Variants in RP1 observed in about 807,000 individuals in gnomAD.
RP1 encodes oxygen-regulated protein 1.
Under a neutral mutation model 14.8 loss-of-function variants are expected in RP1, and 16 were observed. The ratio of observed to expected loss-of-function variants is 1.08; its 90% CI spans 0.73 to 1.65. RP1 has a LOEUF of 1.65. RP1 is among the 40% of genes most tolerant of loss of function. RP1 has a pLI of 0.00. For synonymous variants in RP1, 876 were observed against 883.6 expected (o/e 0.99, Z 0.15); for missense variants, 2,631 against 2,535.0 (o/e 1.04, Z -0.81).
At chr8:54,768,671 G>A (rs1402619520) in intron 22 of RP1, among the ~76,000 whole-genome samples, 1 of 152,132 alleles carries the variant, frequency 6.6e-6, no homozygotes, top group Non-Finnish European at 1.5e-5. Flanking sequence ...CTGCTATGAG[G>A]CAGGTAATTT....
At chr8:54,792,420 G>T (rs1810486700) in intron 24 of RP1, among the ~76,000 whole-genome samples, 1 of 151,728 alleles carries the variant, frequency 6.6e-6, no homozygotes. Context: ...CTATTCTCAA[G>T]GGCACGTAAA....
chr8:54,819,698 G>A (rs1289534785), intron 24 of RP1, among the ~76,000 whole-genome samples: 1 of 152,136 alleles, frequency 6.6e-6, no homozygotes, highest in East Asian at 1.9e-4. Flanking sequence ...GGCACCATAA[G>A]CCCAGCAATG....
chr8:54,629,388 G>T lies in RP1; in HGVS notation c.5506G>T (p.Asp1836Tyr). ...DSEPFHEDLL[D>Y]VRNETCAKER... Reference sequence around the variant, plus strand: ...AGAACCTTTTCATGAGGACTTGCTGGATGTTCGCAATGAAACCTGTGCCAA... The same window carrying T: ...AGAACCTTTTCATGAGGACTTGCTGTATGTTCGCAATGAAACCTGTGCCAA... The change falls in exon 4 of 4, where the codon GAT (aspartate) becomes TAT (tyrosine). Residue 1836 changes from aspartate (D) to tyrosine (Y), a missense_variant. By Grantham distance (160) the Asp-to-Tyr change is radical (BLOSUM62 -3). Transcript: ENST00000220676. 1 of 1,614,102 alleles carries T rather than the reference G, an allele frequency of 6.2e-7. No homozygotes were observed. Among genetic ancestry groups the T allele is most frequent in the Non-Finnish European group, 8.5e-7 (1 of 1,179,986 alleles).
At chr8:54,816,762 C>T (rs1176530702) in intron 24 of RP1, among the ~76,000 whole-genome samples, 1 of 152,212 alleles carries the variant, frequency 6.6e-6, no homozygotes, top group East Asian at 1.9e-4. Context: ...TTTAAATCCT[C>T]ACATGGCTTC....
In RP1 at chr8:54,563,853, A is replaced by G. The variant is rs994152975; in HGVS notation, c.-13+4533A>G. On this transcript the variant is annotated intron_variant, in intron 1 of 22. Coordinates refer to the RP1 transcript ENST00000636932. Reference sequence around the variant, plus strand: ...CATGAGCCACCACGCCCGGCCTACTATTTGTTTTTGACAACCAAAATCTTC... The same window carrying G: ...CATGAGCCACCACGCCCGGCCTACTGTTTGTTTTTGACAACCAAAATCTTC... 5.3e-5 allele frequency among the ~76,000 whole-genome samples: 8 copies of G among 152,116 alleles called. No homozygotes were observed. In the South Asian group the frequency reaches 1.2e-3, roughly 24 times the overall value.
chr8:54,740,403 T>TAAAAAAAAAAAAAA (rs34753388), intron 19 of RP1, among the ~76,000 whole-genome samples: 3 of 80,242 alleles, frequency 3.7e-5, no homozygotes, highest in African/African-American at 1.4e-4. Flanking sequence ...GCTTAAAAAG[T>TAAAAAAAAAAAAAA]AAAAAAAAAA....
chr8:54,842,997 A>G (rs1811821656), intron 25 of RP1, among the ~76,000 whole-genome samples: 1 of 152,130 alleles, frequency 6.6e-6, no homozygotes, highest in South Asian at 2.1e-4. Flanking sequence ...TAGAACTGCA[A>G]GAAACTCCAC....
rs1806055221 is a variant in RP1 at position 54,626,499 on chromosome 8, A to G, written c.2617A>G (p.Lys873Glu). ...AACTTTAAAAAGCCAGAAAAAACGT[A>G]AAGGGGATAAAGTGAAAGCAAGTGC... The part of the protein sequence containing the change: ...HITLKSQKKR[K>E]GDKVKASAIL... The change falls in exon 4 of 4, where the codon AAA becomes GAA. Residue 873 changes from lysine to glutamate, a missense_variant. Transcript: ENST00000220676. The G allele has an allele frequency of 1.2e-6, 2 of 1,613,804 alleles. No individual in the cohort carries two copies. Among genetic ancestry groups the G allele is most frequent in the Non-Finnish European group, 8.5e-7 (1 of 1,179,904 alleles).
At chr8:54,639,345 G>A (rs1291709543) in intron 3 of RP1, among the ~76,000 whole-genome samples, 1 of 152,080 alleles carries the variant, frequency 6.6e-6, no homozygotes, top group Non-Finnish European at 1.5e-5. Context: ...TTTATTTCTG[G>A]CTTTTGGTTA....
intron 24 of RP1, among the ~76,000 whole-genome samples, chr8:54,789,725 A>C (rs1438128085): frequency 6.6e-6 from 1 of 152,202 alleles, no homozygotes; most frequent in Non-Finnish European, 1.5e-5. Flanking sequence ...CGTGGAGTGC[A>C]GCCTATAACC....
intron 26 of RP1, among the ~76,000 whole-genome samples, chr8:54,854,053 G>A (rs1812130046): frequency 6.6e-6 from 1 of 152,080 alleles, no homozygotes; most frequent in South Asian, 2.1e-4. Flanking sequence ...ACTATGTTCA[G>A]GGACTCAGTA....
chr8:54,791,519 A>G (rs1810465409), intron 24 of RP1, among the ~76,000 whole-genome samples: 1 of 152,168 alleles, frequency 6.6e-6, no homozygotes, highest in Non-Finnish European at 1.5e-5. Context: ...ATTAAAAATA[A>G]CTAACAACAA....
At chr8:54,656,328 T>A (rs1311502801) in intron 6 of RP1, 5 of 1,055,128 alleles carry the variant, frequency 4.7e-6, no homozygotes, top group Non-Finnish European at 6.6e-6. Flanking sequence ...GACTGCCAGT[T>A]TCTTATCACT....
chr8:54,565,811 G>T (rs1257712550), intron 1 of RP1, among the ~76,000 whole-genome samples: 2 of 152,180 alleles, frequency 1.3e-5, no homozygotes, highest in Non-Finnish European at 2.9e-5. Context: ...AGACTGTGCG[G>T]CTTGAAAAAC....
At chr8:54,755,747 C>G (rs953495520) in exon 21 of RP1, 3 of 1,525,732 alleles carry the variant, frequency 2.0e-6, no homozygotes, top group Admixed American at 2.0e-5. Context: ...ATCTAACATG[C>G]AAGTAAAATT....
At chr8:54,589,768 C>A (rs1805004642) in intron 1 of RP1, among the ~76,000 whole-genome samples, 1 of 152,164 alleles carries the variant, frequency 6.6e-6, no homozygotes, top group Non-Finnish European at 1.5e-5. Context: ...TTTCTCAATT[C>A]TGGAATTCTA....
chr8:54,743,457 G>A (rs1275065889), intron 19 of RP1, among the ~76,000 whole-genome samples: 1 of 151,868 alleles, frequency 6.6e-6, no homozygotes, highest in Admixed American at 6.6e-5. Flanking sequence ...TTATTAATTG[G>A]CATTCTACTA....
chr8:54,858,415 G>A (rs1307133529), intron 27 of RP1, among the ~76,000 whole-genome samples: 1 of 151,964 alleles, frequency 6.6e-6, no homozygotes, highest in African/African-American at 2.4e-5. Context: ...TGCCACTGTA[G>A]AGTGATGTTA....
At position 54,668,787 on chromosome 8, in the gene RP1, A is replaced by G. The variant is rs554257892; in HGVS notation, c.1323+4937A>G. Among the ~76,000 whole-genome samples the G allele has an allele frequency of 7.6e-4, 116 of 152,344 alleles. 1 individual carries two copies. The highest frequency in any genetic ancestry group is 2.7e-3 in the African/African-American group (112 of 41,592). On this transcript the variant is annotated intron_variant, in intron 7 of 22. Transcript: ENST00000636932. ...ACAAGAAATGGGGAAAGGATTCCCTATTTAATAAATGGTGCTGGGAAAACT... is the reference window on the plus strand; with the variant it reads ...ACAAGAAATGGGGAAAGGATTCCCTGTTTAATAAATGGTGCTGGGAAAACT...
Sources: allele counts gnomAD v4.1 joint callset (sites outside exome capture counted in the v4.1 genomes callset), GRCh38; gene constraint gnomAD v4.1.1; transcripts MANE v1.5; gene names NCBI Gene and HGNC (gene_info 2026-07-23, HGNC 2026-07-21).